The following RYR2 variants were observed in gnomAD, a reference collection of about 807,000 sequenced individuals.
RYR2 encodes the protein cardiac muscle ryanodine receptor-calcium release channel.
In RYR2, 227 loss-of-function variants were observed where a neutral mutation model predicts 601.1. The ratio of observed to expected loss-of-function variants is 0.38; its 90% CI spans 0.34 to 0.42. The LOEUF is 0.42. Among genes scored for constraint, RYR2 ranks in the 10% least tolerant of loss-of-function variants. The pLI, the probability that RYR2 is intolerant of heterozygous loss-of-function variation, is 1.00. For synonymous variants in RYR2, 2,223 were observed against 2,175.1 expected, an observed-to-expected ratio of 1.02 and a Z score of -0.61; for missense variants, 4,646 against 6,156.5, an observed-to-expected ratio of 0.75 and a Z score of 8.21.
chr1:237,366,350 G>C (rs562215940), intron 5 of RYR2, among the ~76,000 whole-genome samples: 1 of 152,272 alleles, frequency 6.6e-6, no homozygotes, highest in Admixed American at 6.5e-5. Context: ...ACTGAGGCCA[G>C]GATTCTCATG....
chr1:237,256,509 C>T (rs1174804919), intron 1 of RYR2, among the ~76,000 whole-genome samples: 2 of 152,174 alleles, frequency 1.3e-5, no homozygotes, highest in African/African-American at 4.8e-5. Flanking sequence ...GCATCTGGGG[C>T]TGGCTGTGCC....
At chr1:237,104,657 G>C (rs533788392) in intron 1 of RYR2, among the ~76,000 whole-genome samples, 63 of 152,196 alleles carry the variant, frequency 4.1e-4, no homozygotes, top group African/African-American at 1.5e-3. Context: ...AGCTGTTACT[G>C]GGTCCTGGTC....
rs750786008 is a variant in RYR2, at chr1:237,156,944, AAAG to A, written c.49-113552_49-113550del. On this transcript the variant is annotated intron_variant, in intron 1 of 104. Transcript: ENST00000366574. ...GCTTGCGCACTGTTGGTGGCAGTGTAAAGTAGTACAGCCACTGTGGAGAACAGC... is the reference window on the plus strand; with the variant it reads ...GCTTGCGCACTGTTGGTGGCAGTGTATAGTACAGCCACTGTGGAGAACAGC... 1.1e-3 allele frequency among the ~76,000 whole-genome samples: 173 copies of A among 152,316 alleles called. 2 individuals carry two copies. The highest frequency in any genetic ancestry group is 3.8e-3 in the African/African-American group (158 of 41,568).
intron 8 of RYR2, among the ~76,000 whole-genome samples, chr1:237,383,414 C>CTTTTTTTTTTTTTTTTTTTT (rs1558724426): frequency 1.5e-5 from 1 of 64,790 alleles, no homozygotes; most frequent in Non-Finnish European, 3.4e-5. Flanking sequence ...TTTCTTTTTT[C>CTTTTTTTTTTTTTTTTTTTT]TTGTTTTTTT....
intron 20 of RYR2, among the ~76,000 whole-genome samples, chr1:237,497,835 G>A (rs966195381): frequency 1.3e-5 from 2 of 151,966 alleles, no homozygotes; most frequent in African/African-American, 4.8e-5. Flanking sequence ...TAGACGAGAG[G>A]AAGCTGTATT....
At chr1:237,383,545 T>C (rs2149823632) in intron 8 of RYR2, among the ~76,000 whole-genome samples, 1 of 144,872 alleles carries the variant, frequency 6.9e-6, no homozygotes, top group Non-Finnish European at 1.5e-5. Flanking sequence ...TTCTCCTGCC[T>C]CAGCCTCCTG....
At chr1:237,664,823 G>A (rs746034227) in intron 56 of RYR2, among the ~76,000 whole-genome samples, 38 of 152,188 alleles carry the variant, frequency 2.5e-4, no homozygotes, top group Non-Finnish European at 4.9e-4. Context: ...GAGTGCTGGG[G>A]ACAGCAAGGA....
intron 12 of RYR2, among the ~76,000 whole-genome samples, 195 bp from the exon 13 acceptor site, chr1:237,441,124 G>A (rs1707859774): frequency 6.6e-6 from 1 of 152,140 alleles, no homozygotes; most frequent in Non-Finnish European, 1.5e-5. Flanking sequence ...GGCAAAAATA[G>A]TGTTTTACCA....
chr1:237,670,098 C>T (rs902725946), intron 58 of RYR2, among the ~76,000 whole-genome samples: 2 of 152,090 alleles, frequency 1.3e-5, no homozygotes, highest in Admixed American at 6.6e-5. Context: ...ACCGGCCTGG[C>T]CAACACAGCG....
intron 62 of RYR2, among the ~76,000 whole-genome samples, chr1:237,687,005 C>T (rs937403542): frequency 3.9e-5 from 6 of 151,934 alleles, no homozygotes; most frequent in South Asian, 2.1e-4. Flanking sequence ...ATTGTATGCC[C>T]GAAGCACCAT....
At chr1:237,498,080 C>T (rs532865512) in intron 20 of RYR2, among the ~76,000 whole-genome samples, 145 of 152,084 alleles carry the variant, frequency 9.5e-4, no homozygotes, top group African/African-American at 2.6e-3. Flanking sequence ...TGGCCAGGCT[C>T]ATCTTGAATT....
At chr1:237,556,608 C>G (rs1174044872) in intron 27 of RYR2, among the ~76,000 whole-genome samples, 1 of 151,710 alleles carries the variant, frequency 6.6e-6, no homozygotes, top group Non-Finnish European at 1.5e-5. Context: ...TGCACCTGGC[C>G]ACTCTATTTT....
In RYR2 at chr1:237,732,035, C is replaced by A; in HGVS notation, c.10936-11C>A. 1 of 1,576,386 alleles carries A rather than the reference C, an allele frequency of 6.3e-7. No individual in the cohort carries two copies. The highest frequency in any genetic ancestry group is 8.7e-7 in the Non-Finnish European group (1 of 1,155,002). ...TTAATGTGACATTTTATAAATTTGACTTTTTTGCAGAAACCTGGGGCTGAA... is the reference window on the plus strand; with the variant it reads ...TTAATGTGACATTTTATAAATTTGAATTTTTTGCAGAAACCTGGGGCTGAA... On this transcript the variant is annotated splice_polypyrimidine_tract_variant and intron_variant, in intron 77 of 104. Coordinates refer to ENST00000366574, the MANE Select transcript of RYR2 (RefSeq NM_001035.3).
intron 2 of RYR2, among the ~76,000 whole-genome samples, chr1:237,317,568 CA>C (rs1413281828): frequency 1.3e-5 from 2 of 152,014 alleles, no homozygotes; most frequent in African/African-American, 4.8e-5. Flanking sequence ...TTATTAGGGC[CA>C]GTAGTTTTTT....
At position 237,587,072 on chromosome 1, in the gene RYR2, G is replaced by T. The variant is rs573979022; in HGVS notation, c.3599-2721G>T. Among the ~76,000 whole-genome samples the T allele has an allele frequency of 1.2e-4, 19 of 152,212 alleles. No homozygotes were observed. The South Asian group carries it at 2.7e-3, about 22-fold the overall frequency. The stretch of plus-strand genomic sequence containing the variant: ...TTAGACCACGAGCACGTTTTGCCCT[G>T]GATCTGTGTTAGTCATCTTTTACTC... On this transcript the variant is annotated intron_variant, in intron 29 of 104. Transcript: ENST00000366574.
chr1:237,604,975 C>T (rs1425873086), intron 35 of RYR2, among the ~76,000 whole-genome samples: 18 of 152,082 alleles, frequency 1.2e-4, no homozygotes, highest in Admixed American at 1.2e-3. Context: ...AGATTCACAG[C>T]CGAATTCTAC....
intron 1 of RYR2, among the ~76,000 whole-genome samples, chr1:237,128,234 C>T (rs978445587): frequency 7.2e-5 from 11 of 152,162 alleles, no homozygotes; most frequent in South Asian, 2.1e-4. Flanking sequence ...ACCAGTCAGG[C>T]GTGGCGGCAC....
At chr1:237,462,628 T>C (rs929985441) in intron 16 of RYR2, among the ~76,000 whole-genome samples, 1 of 152,186 alleles carries the variant, frequency 6.6e-6, no homozygotes, top group Non-Finnish European at 1.5e-5. Flanking sequence ...TCTTTGAGTA[T>C]GGCCAAAATG....
At chr1:237,738,452 C>T (rs1466084358) in intron 79 of RYR2, among the ~76,000 whole-genome samples, 1 of 152,116 alleles carries the variant, frequency 6.6e-6, no homozygotes, top group Admixed American at 6.5e-5. Flanking sequence ...TACCCTGTCT[C>T]CCCACACAAA....
Sources: allele counts gnomAD v4.1 joint callset (sites outside exome capture counted in the v4.1 genomes callset), GRCh38; gene constraint gnomAD v4.1.1; transcripts MANE v1.5; gene names NCBI Gene and HGNC (gene_info 2026-07-23, HGNC 2026-07-21).